The following EGFR variants were observed in gnomAD, a reference collection of about 807,000 sequenced individuals.
The protein encoded by EGFR is epidermal growth factor receptor, also known as avian erythroblastic leukemia viral (v-erb-b) oncogene homolog.
Under a neutral mutation model 143.0 loss-of-function variants are expected in EGFR, and 58 were observed. The observed-to-expected ratio is 0.41, with a 90% CI of 0.33 to 0.50. The LOEUF is 0.50. EGFR is among the 20% of genes least tolerant of loss of function. EGFR has a pLI of 0.39. For missense variants in EGFR, 1,307 were observed against 1,579.0 expected (o/e 0.83, Z 2.92); for synonymous variants, 613 against 594.4 (o/e 1.03, Z -0.45).
chr7:55,041,527 C>A (rs1236027059), intron 1 of EGFR, among the ~76,000 whole-genome samples: 1 of 152,200 alleles, frequency 6.6e-6, no homozygotes, highest in Non-Finnish European at 1.5e-5. Flanking sequence ...AATACATTGA[C>A]TGCATGCCAC....
chr7:55,045,901 A>C (rs1159443657), intron 1 of EGFR, among the ~76,000 whole-genome samples: 1 of 152,204 alleles, frequency 6.6e-6, no homozygotes, highest in African/African-American at 2.4e-5. Context: ...TCTCAAATAC[A>C]CACTGGATTG....
intron 1 of EGFR, among the ~76,000 whole-genome samples, chr7:55,088,273 G>A (rs570934127): frequency 2.6e-5 from 4 of 152,302 alleles, no homozygotes; most frequent in East Asian, 3.9e-4. Flanking sequence ...GGAGCGGATG[G>A]GGGAGGCCCC....
chr7:55,043,667 C>T (rs952928869), intron 1 of EGFR, among the ~76,000 whole-genome samples: 3 of 152,192 alleles, frequency 2.0e-5, no homozygotes, highest in Middle Eastern at 3.4e-3. Context: ...CCCAGGCTAA[C>T]ATTCTTTAAT....
At chr7:55,030,228 G>A (rs1050042493) in intron 1 of EGFR, among the ~76,000 whole-genome samples, 4 of 152,290 alleles carry the variant, frequency 2.6e-5, no homozygotes, top group South Asian at 2.1e-4. Flanking sequence ...AGCTATGGAT[G>A]CCCCATCACT....
At chr7:55,169,481 C>A (rs998710136) in intron 15 of EGFR, among the ~76,000 whole-genome samples, 6 of 151,642 alleles carry the variant, frequency 4.0e-5, no homozygotes, top group African/African-American at 1.5e-4. Context: ...CCTAATAAAC[C>A]AAATAATATG....
chr7:55,143,350 G>A lies in EGFR; in HGVS notation c.286G>A (p.Val96Met), dbSNP rs1260357262. The A allele has an allele frequency of 6.8e-6, 11 of 1,614,180 alleles. No individual in the cohort carries two copies. The highest frequency in any genetic ancestry group is 9.3e-6 in the Non-Finnish European group (11 of 1,180,052). The change falls in exon 3 of 28, where the codon GTG becomes ATG. Residue 96 changes from valine to methionine, a missense_variant. Physicochemically the swap from Val to Met is conservative, Grantham distance 21. Coordinates refer to ENST00000275493, the MANE Select transcript of EGFR (RefSeq NM_005228.5). The part of the protein sequence containing the change: ...AGYVLIALNT[V>M]ERIPLENLQI... ...TTATGTCCTCATTGCCCTCAACACA[G>A]TGGAGCGAATTCCTTTGGAAAACCT...
At chr7:55,087,284 C>A (rs887827) in intron 1 of EGFR, among the ~76,000 whole-genome samples, 84,512 of 116,354 alleles carry the variant, frequency 0.73, 27,714 homozygotes, top group East Asian at 0.96. Context: ...AAAAAAAAAA[C>A]AAAAAAAAAA....
At chr7:55,105,327 A>G (rs1473260857) in intron 1 of EGFR, among the ~76,000 whole-genome samples, 2 of 152,238 alleles carry the variant, frequency 1.3e-5, no homozygotes, top group African/African-American at 2.4e-5. Flanking sequence ...TTATGCCTTC[A>G]TCACTTCAAG....
intron 1 of EGFR, among the ~76,000 whole-genome samples, chr7:55,135,859 C>A (rs182280491): frequency 1.3e-5 from 2 of 152,042 alleles, no homozygotes; most frequent in East Asian, 3.9e-4. Flanking sequence ...TTTAAGATAG[C>A]CTTCTTTAGC....
At chr7:55,120,888 C>T (rs142579831) in intron 1 of EGFR, among the ~76,000 whole-genome samples, 31 of 152,288 alleles carry the variant, frequency 2.0e-4, no homozygotes, top group African/African-American at 6.0e-4. Flanking sequence ...AAAGGCATTA[C>T]GGTTAGAAAC....
chr7:55,093,664 GA>G, intron 1 of EGFR, among the ~76,000 whole-genome samples: 1 of 152,170 alleles, frequency 6.6e-6, no homozygotes, highest in East Asian at 1.9e-4. Flanking sequence ...AGTCATTTTT[GA>G]GGTGAAAACT....
At chr7:55,152,385 A>G in intron 5 of EGFR, 161 bp from the exon 6 acceptor site, 1 of 787,734 alleles carries the variant, frequency 1.3e-6, no homozygotes, top group Non-Finnish European at 2.3e-6. Flanking sequence ...AAAAGAGGCA[A>G]TCAGAAAAGG....
At chr7:55,094,122 G>T (rs1791297422) in intron 1 of EGFR, among the ~76,000 whole-genome samples, 1 of 152,206 alleles carries the variant, frequency 6.6e-6, no homozygotes, top group Non-Finnish European at 1.5e-5. Context: ...TTTTTCTGAA[G>T]GGGGCTGCTT....
intron 1 of EGFR, among the ~76,000 whole-genome samples, chr7:55,029,311 C>T (rs1208968170): frequency 2.0e-5 from 3 of 152,108 alleles, no homozygotes; most frequent in Non-Finnish European, 4.4e-5. Flanking sequence ...AAACCTTATC[C>T]TTATAGATGT....
At chr7:55,056,368 G>A (rs1426153054) in intron 1 of EGFR, among the ~76,000 whole-genome samples, 3 of 152,148 alleles carry the variant, frequency 2.0e-5, no homozygotes, top group Non-Finnish European at 4.4e-5. Context: ...TGTTTCTACT[G>A]ATTTTCAAAA....
At chr7:55,124,610 C>T (rs1238367379) in intron 1 of EGFR, among the ~76,000 whole-genome samples, 1 of 152,154 alleles carries the variant, frequency 6.6e-6, no homozygotes, top group Non-Finnish European at 1.5e-5. Flanking sequence ...CCCTCGGGGG[C>T]AATTCAACTG....
chr7:55,165,348 A>C lies in EGFR; in HGVS notation c.1791A>C (p.Ala597=). The change falls in exon 15 of 28, where the codon GCA becomes GCC. Residue 597 remains alanine, a synonymous_variant. Transcript: ENST00000275493. ...CCCACTGCGTCAAGACCTGCCCGGC[A>C]GGAGTCATGGGAGAAAACAACACCC... ...DGPHCVKTCP[A]GVMGENNTLV... is the part of the protein sequence containing the mutation. 6.2e-7 allele frequency: 1 copy of C among 1,614,204 alleles called. No individual in the cohort carries two copies. Among genetic ancestry groups the C allele is most frequent in the Non-Finnish European group, 8.5e-7 (1 of 1,180,034 alleles).
At position 55,170,460 on chromosome 7, in the gene EGFR, G is replaced by A. The variant is rs746105512; in HGVS notation, c.1881-715G>A. 2.5e-6 allele frequency: 4 copies of A among 1,614,014 alleles called. No individual in the cohort carries two copies. The highest frequency in any genetic ancestry group is 1.3e-5 in the African/African-American group (1 of 74,910). On this transcript the variant is annotated intron_variant, in intron 15 of 27. Coordinates refer to ENST00000275493, the MANE Select transcript of EGFR (RefSeq NM_005228.5). ...GGATCCCTTCTCTTCTGCCGTCAGA[G>A]TTTCAGCTGGGTTGGGGTGGATGCA...
At chr7:55,194,646 C>A (rs1358053230) in intron 22 of EGFR, among the ~76,000 whole-genome samples, 2 of 152,216 alleles carry the variant, frequency 1.3e-5, no homozygotes, top group Admixed American at 1.3e-4. Flanking sequence ...AGGTCCCCCT[C>A]CCGTCACGCT....
Sources: allele counts gnomAD v4.1 joint callset (sites outside exome capture counted in the v4.1 genomes callset), GRCh38; gene constraint gnomAD v4.1.1; transcripts MANE v1.5; gene names NCBI Gene and HGNC (gene_info 2026-07-23, HGNC 2026-07-21).